The following TOGARAM1 variants were observed in gnomAD, a reference collection of about 807,000 sequenced individuals.
The protein encoded by TOGARAM1 is TOG array regulator of axonemal microtubules protein 1.
In TOGARAM1, 100 loss-of-function variants were observed where a neutral mutation model predicts 166.6. That is an observed-to-expected ratio of 0.60 (90% CI 0.51 to 0.71). The LOEUF (loss-of-function observed/expected upper bound fraction) is 0.71, where lower values mean the gene tolerates loss of function less well. Among genes scored for constraint, TOGARAM1 ranks in the 30% least tolerant of loss-of-function variants. TOGARAM1 has a pLI of 0.00. For synonymous variants in TOGARAM1, 758 were observed against 763.8 expected, an observed-to-expected ratio of 0.99 and a Z score of 0.13; for missense variants, 2,029 against 2,102.7, an observed-to-expected ratio of 0.96 and a Z score of 0.69.
chr14:45,006,481 C>A (rs892273067), intron 5 of TOGARAM1: 4 of 397,112 alleles, frequency 1.0e-5, no homozygotes. Context: ...TAACACTCTA[C>A]TGTATTTTCT....
At chr14:45,042,712 A>G (rs1881790253) in intron 11 of TOGARAM1, among the ~76,000 whole-genome samples, 1 of 152,172 alleles carries the variant, frequency 6.6e-6, no homozygotes, top group African/African-American at 2.4e-5. Flanking sequence ...GCCTAAAAAA[A>G]TCAATATGCC....
chr14:45,047,084 G>A (rs1882101033), intron 14 of TOGARAM1, among the ~76,000 whole-genome samples: 1 of 152,042 alleles, frequency 6.6e-6, no homozygotes, highest in Non-Finnish European at 1.5e-5. Flanking sequence ...TAAGGAAATA[G>A]GTACACATGA....
chr14:45,043,888 A>T (rs1881850271), intron 12 of TOGARAM1, 97 bp downstream of exon 12: 1 of 670,110 alleles, frequency 1.5e-6, no homozygotes, highest in Non-Finnish European at 2.6e-6. Flanking sequence ...ACAACTCTGT[A>T]CCATATGATA....
In TOGARAM1 at chr14:45,032,434, T is replaced by C. The variant is rs574603058; in HGVS notation, c.3812+58T>C. The C allele has an allele frequency of 1.4e-5, 20 of 1,454,112 alleles. No individual in the cohort carries two copies. The East Asian group carries it at 4.3e-4, about 31-fold the overall frequency. The allele number at this position is 1,454,112 out of a possible 1,614,324, so 90.1% of individuals were successfully genotyped here. The stretch of plus-strand genomic sequence containing the variant: ...AGAGTTCAAAAGCTTTCTGTAAATA[T>C]TTAATTAAAAATCTTGAAACACATT... On this transcript the variant is annotated intron_variant, in intron 11 of 19. Coordinates refer to ENST00000361462, the MANE Select transcript of TOGARAM1 (RefSeq NM_001308120.2).
intron 1 of TOGARAM1, among the ~76,000 whole-genome samples, chr14:44,977,308 C>CA (rs1415892532): frequency 6.8e-6 from 1 of 145,988 alleles, no homozygotes; most frequent in East Asian, 2.0e-4. Context: ...GATCTCAGCT[C>CA]ACTGCAAGCT....
chr14:44,985,781 G>T (rs1268561348), intron 1 of TOGARAM1, among the ~76,000 whole-genome samples: 1 of 152,086 alleles, frequency 6.6e-6, no homozygotes, highest in African/African-American at 2.4e-5. Flanking sequence ...CCTATTCATT[G>T]GTTATTCTAT....
At chr14:45,061,402 G>A (rs1159786800) in intron 16 of TOGARAM1, among the ~76,000 whole-genome samples, 1 of 152,056 alleles carries the variant, frequency 6.6e-6, no homozygotes, top group Non-Finnish European at 1.5e-5. Flanking sequence ...TTAATACTGT[G>A]CTGGTTAGAA....
At position 44,972,415 on chromosome 14, in the gene TOGARAM1, G is replaced by A. The variant is rs151329107; in HGVS notation, c.2046+7948G>A. ...GATTATGATGTTGTTGAGTTCAACTGTGTCTTTACTGATTTTTCTGCCTGC... is the reference window on the plus strand; with the variant it reads ...GATTATGATGTTGTTGAGTTCAACTATGTCTTTACTGATTTTTCTGCCTGC... On this transcript the variant is annotated intron_variant, in intron 1 of 19. Transcript: ENST00000361462. Among the ~76,000 whole-genome samples, 6 of 152,204 alleles carry A rather than the reference G, an allele frequency of 3.9e-5. No individual in the cohort carries two copies. The East Asian group carries it at 1.2e-3, about 29-fold the overall frequency.
rs1887582064 is a variant in TOGARAM1 at position 44,999,343 on chromosome 14, T to G, written c.2204-20T>G. Reference sequence around the variant, plus strand: ...AGTTAACTTTTGCTTTTATGTTTTCTCCCTTCCTTTCTTCAAAAGGTACTA... The same window carrying G: ...AGTTAACTTTTGCTTTTATGTTTTCGCCCTTCCTTTCTTCAAAAGGTACTA... On this transcript the variant is annotated intron_variant, in intron 2 of 19. Transcript: ENST00000361462. The G allele has an allele frequency of 6.5e-7, 1 of 1,531,928 alleles. No homozygotes were observed. Among genetic ancestry groups the G allele is most frequent in the Non-Finnish European group, 8.8e-7 (1 of 1,135,124 alleles). 94.9% of individuals were successfully genotyped at this position (1,531,928 alleles called of 1,614,324 possible). A position where few individuals can be genotyped will look rare whatever the true frequency, so the allele number is the denominator to read the frequency against.
At chr14:45,068,314 A>G (rs1883225716) in intron 17 of TOGARAM1, 110 bp from the exon 18 acceptor site, 4 of 746,228 alleles carry the variant, frequency 5.4e-6, no homozygotes, top group Non-Finnish European at 6.1e-6. Context: ...TGTTGTGTAT[A>G]TATTTAAACT....
In TOGARAM1 at chr14:44,964,283, G is replaced by T. The variant is rs376348966; in HGVS notation, c.1862G>T (p.Ser621Ile). Residue 621 changes from serine (S) to isoleucine (I), a missense_variant, in exon 1 of 20, where the codon AGT becomes ATT. Ser to Ile is a moderately radical substitution (Grantham distance 142, BLOSUM62 -2). Coordinates refer to ENST00000361462, the MANE Select transcript of TOGARAM1 (RefSeq NM_001308120.2). ...CTTTTGGCTGGTAACAGAACTCAGA[G>T]TGCACACTGTCACTGTGGTGACCAC... ...DWLLAGNRTQ[S>I]AHCHCGDHVR... is the part of the protein sequence containing the mutation. 52 of 1,614,196 alleles carry T rather than the reference G, an allele frequency of 3.2e-5. No homozygotes were observed. Among genetic ancestry groups the T allele is most frequent in the Non-Finnish European group, 4.4e-5 (52 of 1,180,032 alleles).
Position 44,963,349 on chromosome 14 carries a change from C to G in TOGARAM1, c.928C>G (p.Arg310Gly). 6.2e-7 allele frequency: 1 copy of G among 1,614,140 alleles called. No homozygotes were observed. The highest frequency in any genetic ancestry group is 8.5e-7 in the Non-Finnish European group (1 of 1,180,034). ...PSALRRHYNR[R>G]LESQFGSQVP... is the part of the protein sequence containing the mutation. The stretch of plus-strand genomic sequence containing the variant: ...TGCCCTGAGGAGACACTACAATCGC[C>G]GCCTGGAGTCCCAGTTTGGAAGTCA... Residue 310 changes from arginine (R) to glycine (G), a missense_variant, in exon 1 of 20, where the codon CGC becomes GGC. By Grantham distance (125) the Arg-to-Gly change is moderately radical (BLOSUM62 -2). Transcript: ENST00000361462.
chr14:44,968,153 A>G (rs1227755581), intron 1 of TOGARAM1, among the ~76,000 whole-genome samples: 4 of 152,260 alleles, frequency 2.6e-5, no homozygotes, highest in East Asian at 1.9e-4. Flanking sequence ...AAAAGGTCTT[A>G]GAAGAACTAT....
At chr14:45,069,399 A>T (rs1351203759) in intron 18 of TOGARAM1, among the ~76,000 whole-genome samples, 1 of 151,990 alleles carries the variant, frequency 6.6e-6, no homozygotes, top group East Asian at 1.9e-4. Flanking sequence ...AAAAAAATAG[A>T]TAAAGGGACA....
At chr14:45,072,127 C>T (rs181669733) in intron 19 of TOGARAM1, among the ~76,000 whole-genome samples, 1 of 152,142 alleles carries the variant, frequency 6.6e-6, no homozygotes, top group Non-Finnish European at 1.5e-5. Context: ...CCAAAGTTAG[C>T]AGTTGGCAGG....
intron 7 of TOGARAM1, among the ~76,000 whole-genome samples, chr14:45,018,201 G>A (rs369922980): frequency 2.6e-5 from 4 of 152,132 alleles, no homozygotes; most frequent in African/African-American, 9.6e-5. Context: ...AATAGCAGCT[G>A]TGGTCATTAT....
intron 4 of TOGARAM1, 60 bp from the exon 5 acceptor site, chr14:45,005,946 CTA>C: frequency 3.5e-6 from 5 of 1,413,992 alleles, no homozygotes; most frequent in Non-Finnish European, 4.7e-6. Context: ...GCACTTGTGA[CTA>C]TAACTCCCTC....
At chr14:45,031,020 A>G (rs1344000994) in intron 10 of TOGARAM1, among the ~76,000 whole-genome samples, 1 of 152,228 alleles carries the variant, frequency 6.6e-6, no homozygotes, top group Non-Finnish European at 1.5e-5. Context: ...ATGCTAGCTA[A>G]TATCATTAAC....
At chr14:45,048,055 CA>C (rs1258401220) in intron 14 of TOGARAM1, among the ~76,000 whole-genome samples, 7,897 of 87,950 alleles carry the variant, frequency 0.09, 484 homozygotes, top group African/African-American at 0.25. Flanking sequence ...GACTCCATCT[CA>C]AAAAAAAAAA....
Sources: allele counts gnomAD v4.1 joint callset (sites outside exome capture counted in the v4.1 genomes callset), GRCh38; gene constraint gnomAD v4.1.1; transcripts MANE v1.5; gene names NCBI Gene and HGNC (gene_info 2026-07-23, HGNC 2026-07-21).